The following CCDC171 variants were observed in gnomAD, a reference collection of about 807,000 sequenced individuals.
CCDC171 encodes coiled-coil domain containing 171.
In CCDC171, 177 loss-of-function variants were observed where a neutral mutation model predicts 168.2. The observed-to-expected ratio is 1.05, with a 90% CI of 0.93 to 1.19. The LOEUF is 1.19. CCDC171 is among the 50% of genes most tolerant of loss of function. CCDC171 has a pLI of 0.00. For missense variants in CCDC171, 1,991 were observed against 1,539.0 expected (o/e 1.29, Z -4.91); for synonymous variants, 687 against 540.8 (o/e 1.27, Z -3.75).
chr9:15,875,333 C>T (rs1355595062), intron 24 of CCDC171: 3 of 151,924 alleles, frequency 2.0e-5, no homozygotes, highest in East Asian at 1.9e-4. Flanking sequence ...CATTCATTTT[C>T]GGATGCTGTA....
At chr9:15,651,102 T>A (rs925650520) in intron 7 of CCDC171, among the ~76,000 whole-genome samples, 28 of 151,908 alleles carry the variant, frequency 1.8e-4, no homozygotes, top group Admixed American at 1.2e-3. Flanking sequence ...TTTTATTTTT[T>A]AATTTTTTAG....
chr9:16,043,406 T>C (rs1359292713), intron 1 of CCDC171, among the ~76,000 whole-genome samples: 1 of 152,232 alleles, frequency 6.6e-6, no homozygotes, highest in Non-Finnish European at 1.5e-5. Context: ...TGAAAAGTTA[T>C]AGATAAATTA....
chr9:15,935,430 G>C (rs1564024956), intron 25 of CCDC171, among the ~76,000 whole-genome samples: 1 of 152,014 alleles, frequency 6.6e-6, no homozygotes, highest in Non-Finnish European at 1.5e-5. Flanking sequence ...TTCCCTGTCA[G>C]CTTTAAAATT....
At chr9:15,655,729 A>C (rs1293715003) in intron 7 of CCDC171, among the ~76,000 whole-genome samples, 3 of 152,246 alleles carry the variant, frequency 2.0e-5, no homozygotes, top group Admixed American at 2.0e-4. Flanking sequence ...TAAACAGCTC[A>C]ATTAAAAAAT....
At chr9:15,719,047 C>T (rs1056487036) in intron 11 of CCDC171, among the ~76,000 whole-genome samples, 1 of 151,968 alleles carries the variant, frequency 6.6e-6, no homozygotes, top group Non-Finnish European at 1.5e-5. Context: ...ATAGAGAATT[C>T]AAAAGAACTG....
At chr9:16,027,520 G>A (rs958219109) in intron 6 of CCDC171, among the ~76,000 whole-genome samples, 53 of 152,160 alleles carry the variant, frequency 3.5e-4, no homozygotes, top group African/African-American at 1.1e-3. Flanking sequence ...TCAAAGTTGC[G>A]AGGAAGGAAA....
At chr9:15,870,500 C>G (rs59655011) in intron 23 of CCDC171, among the ~76,000 whole-genome samples, 2,633 of 151,780 alleles carry the variant, frequency 0.017, 89 homozygotes, top group African/African-American at 0.061. Context: ...GACATGAAGC[C>G]CTAATATCAG....
chr9:15,884,704 C>T (rs1411086525), intron 24 of CCDC171, among the ~76,000 whole-genome samples: 2 of 152,148 alleles, frequency 1.3e-5, no homozygotes, highest in African/African-American at 4.8e-5. Context: ...AGCCACTGTT[C>T]CCTCATCTGT....
At chr9:16,081,293 A>G in the CCDC171 span, among the ~76,000 whole-genome samples, 1 of 152,110 alleles carries the variant, frequency 6.6e-6, no homozygotes, top group Non-Finnish European at 1.5e-5. Flanking sequence ...AGGTTCATCA[A>G]ATCTCTCAGA....
the CCDC171 span, among the ~76,000 whole-genome samples, chr9:16,076,597 C>T: frequency 2.6e-5 from 4 of 152,198 alleles, no homozygotes; most frequent in East Asian, 1.9e-4. Flanking sequence ...CAGCTCTCTC[C>T]GCCCCACTCA....
At chr9:16,008,900 A>T (rs1011638732) in intron 3 of CCDC171, among the ~76,000 whole-genome samples, 2 of 152,160 alleles carry the variant, frequency 1.3e-5, no homozygotes, top group African/African-American at 2.4e-5. Context: ...CCCTCTGGCC[A>T]TCATGTGAAT....
chr9:15,948,183 C>A (rs946743928), intron 25 of CCDC171, among the ~76,000 whole-genome samples: 44 of 151,494 alleles, frequency 2.9e-4, no homozygotes, highest in African/African-American at 1.0e-3. Flanking sequence ...GCATAGTATT[C>A]CATGGTGCAT....
intron 21 of CCDC171, among the ~76,000 whole-genome samples, chr9:15,833,314 C>G (rs2060312368): frequency 6.6e-6 from 1 of 152,060 alleles, no homozygotes; most frequent in Non-Finnish European, 1.5e-5. Context: ...CATGAGAGTA[C>G]TGTAGTATAC....
At chr9:15,919,278 T>A (rs1377942910) in intron 24 of CCDC171, among the ~76,000 whole-genome samples, 1 of 151,644 alleles carries the variant, frequency 6.6e-6, no homozygotes, top group East Asian at 1.9e-4. Flanking sequence ...TTGCATACAT[T>A]TACTATATTG....
chr9:16,063,600 G>A (rs993824880), downstream of CCDC171, among the ~76,000 whole-genome samples: 3 of 152,224 alleles, frequency 2.0e-5, no homozygotes, highest in South Asian at 2.1e-4. Context: ...ACGGAAAAGC[G>A]AAAACCAGGA....
intron 11 of CCDC171, among the ~76,000 whole-genome samples, chr9:15,702,149 G>C (rs2051801456): frequency 1.3e-5 from 2 of 152,080 alleles, no homozygotes; most frequent in African/African-American, 4.8e-5. Context: ...GAATCTTTTT[G>C]TGAGTAGTAA....
the CCDC171 span, among the ~76,000 whole-genome samples, chr9:16,103,661 C>G: frequency 1.4e-4 from 21 of 152,260 alleles, no homozygotes; most frequent in Non-Finnish European, 2.8e-4. Flanking sequence ...TGCGCTGCTG[C>G]CGGGATGTGA....
At chr9:16,012,357 A>G (rs923362127) in intron 3 of CCDC171, among the ~76,000 whole-genome samples, 1 of 152,078 alleles carries the variant, frequency 6.6e-6, no homozygotes, top group African/African-American at 2.4e-5. Flanking sequence ...TCTAATGAAC[A>G]CATTGAACAA....
At chr9:16,080,952 T>G in the CCDC171 span, among the ~76,000 whole-genome samples, 1 of 152,208 alleles carries the variant, frequency 6.6e-6, no homozygotes, top group Non-Finnish European at 1.5e-5. Flanking sequence ...TAACAAGCTC[T>G]GATAAAGTTT....
Sources: gnomAD v4.1 joint callset for allele counts (sites outside exome capture counted in the v4.1 genomes callset) on GRCh38, gnomAD v4.1.1 for gene constraint, MANE v1.5 for transcripts, NCBI Gene and HGNC (gene_info 2026-07-23, HGNC 2026-07-21) for gene names.